SLMAP: variants seen among roughly 807,000 people sequenced by gnomAD.
SLMAP encodes the protein sarcolemma associated protein.
SLMAP carries 44 observed loss-of-function variants against 128.8 expected under a neutral mutation model. The ratio of observed to expected loss-of-function variants is 0.34; its 90% CI spans 0.27 to 0.44. SLMAP has a LOEUF of 0.44. SLMAP is among the 20% of genes least tolerant of loss of function. The pLI is 1.00. For synonymous variants in SLMAP, 327 were observed against 348.8 expected (o/e 0.94, Z 0.70); for missense variants, 787 against 985.3 (o/e 0.80, Z 2.69).
chr3:57,786,506 A>G (rs944838161), intron 2 of SLMAP, among the ~76,000 whole-genome samples: 1 of 151,888 alleles, frequency 6.6e-6, no homozygotes, highest in Middle Eastern at 3.2e-3. Context: ...AATACATTCT[A>G]CTACACTCAG....
chr3:57,876,947 T>A (rs2095617616), intron 14 of SLMAP, among the ~76,000 whole-genome samples: 1 of 152,174 alleles, frequency 6.6e-6, no homozygotes, highest in Non-Finnish European at 1.5e-5. Flanking sequence ...TGAGGTCTAC[T>A]TTGTAGAGAC....
At chr3:57,783,406 C>G (rs1284531998) in intron 2 of SLMAP, among the ~76,000 whole-genome samples, 4 of 152,128 alleles carry the variant, frequency 2.6e-5, no homozygotes, top group African/African-American at 9.7e-5. Context: ...CATGACTGTT[C>G]TGTGTCCTTG....
intron 2 of SLMAP, among the ~76,000 whole-genome samples, chr3:57,781,638 T>C (rs1021099858): frequency 6.6e-6 from 1 of 152,018 alleles, no homozygotes; most frequent in Admixed American, 6.6e-5. Context: ...GAAATAGGGA[T>C]GGCAGGAAGT....
At chr3:57,907,826 A>G (rs1041256093) in intron 17 of SLMAP, 58 bp from the exon 18 acceptor site, 1 of 1,526,154 alleles carries the variant, frequency 6.6e-7, no homozygotes, top group Middle Eastern at 1.7e-4. Context: ...CCAGTCTTTT[A>G]TTGTAGATTA....
At chr3:57,888,984 A>G (rs1335899249) in intron 14 of SLMAP, among the ~76,000 whole-genome samples, 1 of 151,652 alleles carries the variant, frequency 6.6e-6, no homozygotes, top group African/African-American at 2.4e-5. Flanking sequence ...TCCTGGGTTC[A>G]CACCATTCTC....
intron 23 of SLMAP, among the ~76,000 whole-genome samples, chr3:57,924,232 G>T (rs1360362001): frequency 6.6e-6 from 1 of 151,896 alleles, no homozygotes; most frequent in Non-Finnish European, 1.5e-5. Context: ...TCCTTTTTTT[G>T]TGATATTGCA....
intron 22 of SLMAP, among the ~76,000 whole-genome samples, chr3:57,919,783 G>A (rs1440962148): frequency 4.8e-5 from 7 of 146,262 alleles, no homozygotes; most frequent in African/African-American, 1.0e-4. Context: ...CAACAAGAGC[G>A]AAACTCCATC....
chr3:57,841,154 G>T, intron 3 of SLMAP, 145 bp from the exon 4 acceptor site: 1 of 496,102 alleles, frequency 2.0e-6, no homozygotes, highest in Non-Finnish European at 3.5e-6. Flanking sequence ...TTTCTCCAGG[G>T]TAATAATGTC....
intron 22 of SLMAP, among the ~76,000 whole-genome samples, chr3:57,921,046 G>T (rs2096908271): frequency 6.6e-6 from 1 of 151,736 alleles, no homozygotes; most frequent in Non-Finnish European, 1.5e-5. Flanking sequence ...GCAGAGTGGG[G>T]TAGTGGAAGT....
chr3:57,826,342 C>T (rs1353018198), intron 2 of SLMAP, among the ~76,000 whole-genome samples: 1 of 152,054 alleles, frequency 6.6e-6, no homozygotes. Context: ...AGATACTATT[C>T]TGCTCCTTAT....
At position 57,773,781 on chromosome 3, in the gene SLMAP, ATAATT is replaced by A. The variant is rs753159486; in HGVS notation, c.198+15935_198+15939del. On this transcript the variant is annotated intron_variant, in intron 2 of 24. Coordinates refer to ENST00000671191, the MANE Select transcript of SLMAP (RefSeq NM_001377540.1). ...GATTTGAAGATTCCGAAGTATTAAT[ATAATT>A]TATTTTCTTTTATTTTTAAAAACTA... Among the ~76,000 whole-genome samples, 272 of 152,322 alleles carry A rather than the reference ATAATT, an allele frequency of 1.8e-3. 2 individuals carry two copies. The highest frequency in any genetic ancestry group is 1.2e-3 in the Non-Finnish European group (79 of 68,034).
intron 2 of SLMAP, among the ~76,000 whole-genome samples, chr3:57,797,222 C>A (rs1422084236): frequency 6.8e-6 from 1 of 147,480 alleles, no homozygotes; most frequent in Non-Finnish European, 1.5e-5. Flanking sequence ...TGGTGGCTCA[C>A]GCCTGTAATC....
intron 2 of SLMAP, among the ~76,000 whole-genome samples, chr3:57,792,866 G>C (rs746164693): frequency 6.6e-6 from 1 of 152,022 alleles, no homozygotes; most frequent in African/African-American, 2.4e-5. Flanking sequence ...GACCGGGTGC[G>C]GTGACTCACA....
At chr3:57,763,869 A>G (rs1000854203) in intron 2 of SLMAP, among the ~76,000 whole-genome samples, 2 of 152,190 alleles carry the variant, frequency 1.3e-5, no homozygotes, top group African/African-American at 4.8e-5. Context: ...GGATGGAATA[A>G]AAAGCAGATA....
At chr3:57,906,674 AATATATAT>A (rs71091317) in intron 17 of SLMAP, among the ~76,000 whole-genome samples, 2,478 of 67,434 alleles carry the variant, frequency 0.037, 32 homozygotes, top group Non-Finnish European at 0.051. Context: ...ATGAAAAAAA[AATATATAT>A]ATATATATAT....
chr3:57,891,548 C>A (rs1017542626), intron 15 of SLMAP, among the ~76,000 whole-genome samples: 1 of 151,586 alleles, frequency 6.6e-6, no homozygotes, highest in Admixed American at 6.6e-5. Flanking sequence ...GCCTTTTGAT[C>A]CAACAATTCC....
At chr3:57,802,588 T>G (rs1244041147) in intron 2 of SLMAP, among the ~76,000 whole-genome samples, 2 of 152,222 alleles carry the variant, frequency 1.3e-5, no homozygotes, top group Non-Finnish European at 2.9e-5. Context: ...GTAACAGATT[T>G]GCATATTCTA....
chr3:57,780,981 T>C (rs576839148), intron 2 of SLMAP, among the ~76,000 whole-genome samples: 3 of 150,330 alleles, frequency 2.0e-5, no homozygotes, highest in South Asian at 2.1e-4. Flanking sequence ...TACATACACA[T>C]ATATATATAC....
At chr3:57,924,010 A>C (rs2096959495) in intron 23 of SLMAP, among the ~76,000 whole-genome samples, 1 of 152,202 alleles carries the variant, frequency 6.6e-6, no homozygotes, top group Admixed American at 6.5e-5. Flanking sequence ...TGTAGATTAC[A>C]TAACTCTTCT....
Sources: allele counts gnomAD v4.1 joint callset (sites outside exome capture counted in the v4.1 genomes callset), GRCh38; gene constraint gnomAD v4.1.1; transcripts MANE v1.5; gene names NCBI Gene and HGNC (gene_info 2026-07-23, HGNC 2026-07-21).